Variants in LRRC4C observed in about 807,000 individuals in gnomAD.
The protein encoded by LRRC4C is leucine-rich repeat-containing protein 4C.
Under a neutral mutation model 33.6 loss-of-function variants are expected in LRRC4C, and 5 were observed. That is an observed-to-expected ratio of 0.15 (90% CI 0.08 to 0.31). The LOEUF (loss-of-function observed/expected upper bound fraction) is 0.31. Ranked by LOEUF, LRRC4C falls within the 10% of genes least tolerant of loss-of-function variation. The pLI, the probability that LRRC4C is intolerant of heterozygous loss-of-function variation, is 1.00. For missense variants in LRRC4C, 560 were observed against 796.7 expected, an observed-to-expected ratio of 0.70 and a Z score of 3.58; for synonymous variants, 329 against 302.0, an observed-to-expected ratio of 1.09 and a Z score of -0.93.
chr11:40,184,397 T>G (rs1228428221), intron 5 of LRRC4C, among the ~76,000 whole-genome samples: 1 of 152,096 alleles, frequency 6.6e-6, no homozygotes, highest in Non-Finnish European at 1.5e-5. Flanking sequence ...TTGAGCGGAT[T>G]AGAGGGATGA....
At position 40,697,472 on chromosome 11, in the gene LRRC4C, C is replaced by A. The variant is rs191732168; in HGVS notation, c.-406-49194G>T. Reference sequence around the variant, plus strand: ...TTTATGAAAGGAATAACATTTTAATCAAAAATTTTGAGAATACTAAAAGAA... The same window carrying A: ...TTTATGAAAGGAATAACATTTTAATAAAAAATTTTGAGAATACTAAAAGAA... On this transcript the variant is annotated intron_variant, in intron 2 of 6. Coordinates refer to ENST00000528697, the MANE Select transcript of LRRC4C (RefSeq NM_001258419.2). 1.8e-3 allele frequency among the ~76,000 whole-genome samples: 268 copies of A among 152,124 alleles called. 3 individuals are homozygous for A. Among genetic ancestry groups the A allele is most frequent in the African/African-American group, 6.2e-3 (259 of 41,502 alleles).
intron 2 of LRRC4C, among the ~76,000 whole-genome samples, chr11:40,869,980 T>C (rs1954554552): frequency 6.6e-6 from 1 of 152,264 alleles, no homozygotes; most frequent in African/African-American, 2.4e-5. Flanking sequence ...GCTGCAGACC[T>C]ATACAGATTT....
chr11:41,285,149 C>A (rs1393470767), intron 1 of LRRC4C, among the ~76,000 whole-genome samples: 1 of 152,166 alleles, frequency 6.6e-6, no homozygotes, highest in African/African-American at 2.4e-5. Flanking sequence ...TTAAACAGCA[C>A]ACAATGAACC....
chr11:40,746,727 T>C (rs1948445706), intron 2 of LRRC4C, among the ~76,000 whole-genome samples: 1 of 152,084 alleles, frequency 6.6e-6, no homozygotes, highest in East Asian at 1.9e-4. Context: ...GCCCAGTCCA[T>C]CACCATGGTC....
intron 3 of LRRC4C, among the ~76,000 whole-genome samples, chr11:40,532,717 T>C (rs947343784): frequency 2.0e-5 from 3 of 151,370 alleles, no homozygotes; most frequent in African/African-American, 7.4e-5. Context: ...GAGTTGAGTA[T>C]AGATGGTAAG....
intron 3 of LRRC4C, among the ~76,000 whole-genome samples, chr11:40,521,838 C>T (rs1430378590): frequency 1.3e-5 from 2 of 151,854 alleles, no homozygotes; most frequent in Non-Finnish European, 2.9e-5. Context: ...CACTGTACTC[C>T]AGCCTGGTGA....
At chr11:41,162,484 C>T (rs1944515726) in intron 1 of LRRC4C, among the ~76,000 whole-genome samples, 4 of 152,252 alleles carry the variant, frequency 2.6e-5, no homozygotes, top group South Asian at 2.1e-4. Context: ...GATTTCTTCA[C>T]TGTGCAAAAA....
chr11:40,498,563 G>A lies in LRRC4C; in HGVS notation c.-270+149579C>T, dbSNP rs1487601032. ...TTGATTACAATCCTATGCATCTTAG[G>A]TCGATAGCCTTGGAAGATAAAATTA... On this transcript the variant is annotated intron_variant, in intron 3 of 6. Transcript: ENST00000528697. Among the ~76,000 whole-genome samples, 4 of 152,072 alleles carry A rather than the reference G, an allele frequency of 2.6e-5. No individual in the cohort carries two copies. In the East Asian group the frequency reaches 7.7e-4, roughly 29 times the overall value.
At chr11:41,156,078 C>T (rs551987554) in intron 1 of LRRC4C, among the ~76,000 whole-genome samples, 63 of 152,040 alleles carry the variant, frequency 4.1e-4, no homozygotes, top group Admixed American at 5.2e-4. Flanking sequence ...TGAATCGATT[C>T]TTTGTAAAAC....
At chr11:41,361,617 C>G (rs1309351666) in intron 1 of LRRC4C, among the ~76,000 whole-genome samples, 1 of 152,150 alleles carries the variant, frequency 6.6e-6, no homozygotes, top group African/African-American at 2.4e-5. Flanking sequence ...CATAATTGCA[C>G]AGGCAAAAAT....
At chr11:41,117,071 C>A (rs905795018) in intron 1 of LRRC4C, among the ~76,000 whole-genome samples, 7 of 152,056 alleles carry the variant, frequency 4.6e-5, no homozygotes, top group African/African-American at 1.7e-4. Flanking sequence ...ACACTGGCAG[C>A]CCAGTGTTAG....
chr11:40,660,890 T>C (rs1276373431), intron 2 of LRRC4C, among the ~76,000 whole-genome samples: 1 of 152,172 alleles, frequency 6.6e-6, no homozygotes, highest in Non-Finnish European at 1.5e-5. Context: ...GCAAATTATG[T>C]CCCAACAAAT....
intron 1 of LRRC4C, among the ~76,000 whole-genome samples, chr11:40,946,588 C>T (rs1227554292): frequency 6.6e-6 from 1 of 152,144 alleles, no homozygotes; most frequent in Non-Finnish European, 1.5e-5. Context: ...CACAGCCTTG[C>T]CAGCCTTGCC....
intron 3 of LRRC4C, among the ~76,000 whole-genome samples, chr11:40,507,337 A>G (rs950162986): frequency 1.3e-5 from 2 of 152,196 alleles, no homozygotes; most frequent in Non-Finnish European, 2.9e-5. Context: ...GTGAATAGGA[A>G]AAGGCAGCTT....
intron 2 of LRRC4C, among the ~76,000 whole-genome samples, chr11:40,902,181 T>A (rs1956239185): frequency 6.6e-6 from 1 of 152,164 alleles, no homozygotes; most frequent in South Asian, 2.1e-4. Flanking sequence ...TGTCTTTGTG[T>A]CACATTTTTG....
chr11:40,676,893 G>A (rs1011342500), intron 2 of LRRC4C, among the ~76,000 whole-genome samples: 4 of 152,064 alleles, frequency 2.6e-5, no homozygotes, highest in Non-Finnish European at 5.9e-5. Flanking sequence ...ACAGAAAATG[G>A]TGTATTTCCC....
At chr11:40,885,492 G>A (rs934807961) in intron 2 of LRRC4C, among the ~76,000 whole-genome samples, 23 of 151,982 alleles carry the variant, frequency 1.5e-4, no homozygotes, top group African/African-American at 5.3e-4. Flanking sequence ...ATGTTTAAAA[G>A]ATAGTTCATC....
intron 1 of LRRC4C, among the ~76,000 whole-genome samples, chr11:41,033,677 A>C (rs991477644): frequency 2.0e-5 from 3 of 152,076 alleles, no homozygotes; most frequent in African/African-American, 7.2e-5. Flanking sequence ...GACCCGGGGA[A>C]GCCAAGGCAC....
At chr11:41,071,001 C>A (rs1938633866) in intron 1 of LRRC4C, among the ~76,000 whole-genome samples, 1 of 152,046 alleles carries the variant, frequency 6.6e-6, no homozygotes, top group South Asian at 2.1e-4. Context: ...TAGAAACAAC[C>A]CAAATGCCCA....
Sources: gnomAD v4.1 joint callset for allele counts (sites outside exome capture counted in the v4.1 genomes callset) on GRCh38, gnomAD v4.1.1 for gene constraint, MANE v1.5 for transcripts, NCBI Gene and HGNC (gene_info 2026-07-23, HGNC 2026-07-21) for gene names.